Variants in ARFGEF3 observed in about 807,000 individuals in gnomAD.
ARFGEF3 encodes the protein brefeldin A-inhibited guanine nucleotide-exchange protein 3.
In ARFGEF3, 96 loss-of-function variants were observed where a neutral mutation model predicts 221.7. The ratio of observed to expected loss-of-function variants is 0.43; its 90% CI spans 0.37 to 0.51. The LOEUF (loss-of-function observed/expected upper bound fraction) is 0.51. Among genes scored for constraint, ARFGEF3 ranks in the 20% least tolerant of loss-of-function variants. The pLI is 0.00. For synonymous variants in ARFGEF3, 1,145 were observed against 1,126.8 expected, an observed-to-expected ratio of 1.02 and a Z score of -0.32; for missense variants, 2,410 against 2,789.9, an observed-to-expected ratio of 0.86 and a Z score of 3.07.
At chr6:138,179,664 G>T (rs917451478) in intron 2 of ARFGEF3, among the ~76,000 whole-genome samples, 2 of 152,144 alleles carry the variant, frequency 1.3e-5, no homozygotes, top group African/African-American at 4.8e-5. Context: ...GTTTATACTT[G>T]GAGAGAACCA....
chr6:138,248,362 T>C (rs1583030988), intron 8 of ARFGEF3, among the ~76,000 whole-genome samples: 1 of 152,246 alleles, frequency 6.6e-6, no homozygotes, highest in East Asian at 1.9e-4. Context: ...CTTCCAGCTG[T>C]CGGGGGTGCT....
Position 138,170,665 on chromosome 6 carries a change from C to A in ARFGEF3, c.89C>A (p.Thr30Asn). 1 of 1,558,964 alleles carries A rather than the reference C, an allele frequency of 6.4e-7. No homozygotes were observed. The highest frequency in any genetic ancestry group is 8.8e-7 in the Non-Finnish European group (1 of 1,130,660). The part of the protein sequence containing the change: ...IKESCTWALE[T>N]LGGLDTIVKI... ...CTTTGTAATTTTTCTTTTGCAGAAA[C>A]TCTAGGTGGTCTGGATACCATTGTC... The change falls in exon 2 of 34, where the codon ACT becomes AAT. Residue 30 changes from threonine to asparagine, a missense_variant. By Grantham distance (65) the Thr-to-Asn change is moderately conservative. This residue lies in a region of ARFGEF3 where 570 missense variants were observed against 586.9 expected (regional missense o/e 0.97). Coordinates refer to ENST00000251691, the MANE Select transcript of ARFGEF3 (RefSeq NM_020340.5).
chr6:138,191,125 G>A (rs1472217469), intron 2 of ARFGEF3, among the ~76,000 whole-genome samples: 1 of 152,022 alleles, frequency 6.6e-6, no homozygotes, highest in Non-Finnish European at 1.5e-5. Context: ...AAAGTTCCTA[G>A]CTCACATCAC....
intron 32 of ARFGEF3, among the ~76,000 whole-genome samples, chr6:138,330,874 A>G (rs1182929092): frequency 2.7e-5 from 4 of 147,438 alleles, no homozygotes. Flanking sequence ...ATAGAACTCT[A>G]CCAATTCTAG....
In ARFGEF3 at chr6:138,334,991, A is replaced by G; in HGVS notation, c.6145A>G (p.Lys2049Glu). Reference protein sequence around the residue: ...SAFPKEVKVEKKGEPLGPRGQ... With the variant: ...SAFPKEVKVEEKGEPLGPRGQ... The stretch of plus-strand genomic sequence containing the variant: ...GTTCCCCAAAGAGGTCAAAGTGGAG[A>G]AGAAAGGAGAGCCACTGGGTCCCAG... The change falls in exon 33 of 34, where the codon AAG becomes GAG. Residue 2049 changes from lysine to glutamate, a missense_variant. Lys to Glu is a moderately conservative substitution (Grantham distance 56). Around this residue, in one of 5 missense-constraint regions of ARFGEF3, gnomAD observed 339 missense variants for 334.9 expected, o/e 1.01. Coordinates refer to ENST00000251691, the MANE Select transcript of ARFGEF3 (RefSeq NM_020340.5). The surrounding 1 kb of genome is among the most constrained non-coding windows in gnomAD (Gnocchi z 5.1). 3 of 1,585,830 alleles carry G rather than the reference A, an allele frequency of 1.9e-6. No homozygotes were observed. The highest frequency in any genetic ancestry group is 1.7e-6 in the Non-Finnish European group (2 of 1,166,806).
intron 2 of ARFGEF3, among the ~76,000 whole-genome samples, chr6:138,187,520 C>G (rs950070877): frequency 6.6e-6 from 1 of 152,210 alleles, no homozygotes; most frequent in Non-Finnish European, 1.5e-5. Context: ...GGCTCCGGCT[C>G]TCAAGGGACA....
chr6:138,182,386 T>C (rs1462921797), intron 2 of ARFGEF3, among the ~76,000 whole-genome samples: 4 of 152,198 alleles, frequency 2.6e-5, no homozygotes, highest in Admixed American at 2.0e-4. Flanking sequence ...AAACCTGCTA[T>C]ATTTCGCCAT....
At chr6:138,187,126 G>A (rs935282660) in intron 2 of ARFGEF3, among the ~76,000 whole-genome samples, 1 of 151,928 alleles carries the variant, frequency 6.6e-6, no homozygotes, top group Non-Finnish European at 1.5e-5. Context: ...TGTTGATCAG[G>A]TTGGTCTCGA....
At chr6:138,178,321 C>T (rs558466805) in intron 2 of ARFGEF3, among the ~76,000 whole-genome samples, 9 of 152,214 alleles carry the variant, frequency 5.9e-5, no homozygotes, top group African/African-American at 1.4e-4. Context: ...ATAAGTAGCC[C>T]GATAGCTCCC....
chr6:138,323,311 G>A (rs1202120281), intron 29 of ARFGEF3, among the ~76,000 whole-genome samples: 3 of 152,138 alleles, frequency 2.0e-5, no homozygotes, highest in African/African-American at 7.2e-5. Context: ...CAACAAAATG[G>A]AATTCAAGAC....
chr6:138,177,089 ATTTATTTATATTTT>A (rs1353782149), intron 2 of ARFGEF3, among the ~76,000 whole-genome samples: 1,852 of 139,034 alleles, frequency 0.013, 33 homozygotes, highest in African/African-American at 0.05. Context: ...TTATTTATTT[ATTTATTTATATTTT>A]TTTTGAGACA....
chr6:138,250,639 A>G lies in ARFGEF3; in HGVS notation c.666-3241A>G, dbSNP rs1778563825. Among the ~76,000 whole-genome samples the G allele has an allele frequency of 2.0e-5, 3 of 152,254 alleles. No individual in the cohort carries two copies. The South Asian group carries it at 6.2e-4, about 31-fold the overall frequency. ...GAGCTCCAGAGATACAAAACGTGCT[A>G]GGCTGCCCTCCCAGTAGCCTTGCCA... On this transcript the variant is annotated intron_variant, in intron 8 of 33. Coordinates refer to ENST00000251691, the MANE Select transcript of ARFGEF3 (RefSeq NM_020340.5).
intron 2 of ARFGEF3, among the ~76,000 whole-genome samples, chr6:138,190,526 G>A (rs890496000): frequency 1.3e-5 from 2 of 152,202 alleles, no homozygotes; most frequent in Admixed American, 1.3e-4. Flanking sequence ...ATTTAAACTA[G>A]TCTGATGCTT....
At chr6:138,275,223 T>C (rs1003598982) in intron 12 of ARFGEF3, among the ~76,000 whole-genome samples, 1 of 152,240 alleles carries the variant, frequency 6.6e-6, no homozygotes, top group Non-Finnish European at 1.5e-5. Context: ...TCAAAATTTC[T>C]GCAGTTTTTT....
chr6:138,217,965 G>A (rs1157760183), intron 4 of ARFGEF3: 1 of 1,569,090 alleles, frequency 6.4e-7, no homozygotes, highest in Non-Finnish European at 8.6e-7. Flanking sequence ...TTTCTGGAAA[G>A]GCTTTGCAGC....
intron 8 of ARFGEF3, among the ~76,000 whole-genome samples, chr6:138,246,086 CT>C (rs767691605): frequency 4.4e-4 from 67 of 152,232 alleles, no homozygotes; most frequent in Non-Finnish European, 6.8e-4. Context: ...TACTCTTTTA[CT>C]TTTTTTTGTT....
At position 138,342,113 on chromosome 6, in the gene ARFGEF3, T is replaced by C. The variant is rs1780440172; in HGVS notation, c.*5627T>C. ...GAAGGTTTAACCAGTGGTTGTCTAG[T>C]ATCTTCTGTCTTTAGAACAGTGGTT... On this transcript the variant is annotated 3_prime_UTR_variant, in exon 34 of 34. Coordinates refer to ENST00000251691, the MANE Select transcript of ARFGEF3 (RefSeq NM_020340.5). 6.6e-6 allele frequency: 1 copy of C among 152,216 alleles called. No homozygotes were observed. The highest frequency in any genetic ancestry group is 2.4e-5 in the African/African-American group (1 of 41,460). 9.4% of individuals were successfully genotyped at this position (152,216 alleles called of 1,614,324 possible). A position where few individuals can be genotyped will look rare whatever the true frequency, so the allele number is the denominator to read the frequency against.
At chr6:138,180,288 C>T (rs1036153682) in intron 2 of ARFGEF3, among the ~76,000 whole-genome samples, 2 of 152,204 alleles carry the variant, frequency 1.3e-5, no homozygotes, top group Non-Finnish European at 2.9e-5. Context: ...TTGGACTCCC[C>T]TTGCTACCTC....
intron 12 of ARFGEF3, 31 bp from the exon 13 acceptor site, chr6:138,278,420 C>T (rs1779136297): frequency 6.2e-7 from 1 of 1,607,630 alleles, no homozygotes; most frequent in Admixed American, 1.7e-5. Context: ...ACTGTTCACA[C>T]CCCCAAAAGT....
Sources: gnomAD v4.1 joint callset for allele counts (sites outside exome capture counted in the v4.1 genomes callset) on GRCh38, gnomAD v4.1.1 for gene constraint, gnomAD v4.1.1 regional missense constraint, Gnocchi (gnomAD v3.1) non-coding constraint, MANE v1.5 for transcripts, NCBI Gene and HGNC (gene_info 2026-07-23, HGNC 2026-07-21) for gene names.